Variants in MCC observed in about 807,000 individuals in gnomAD.
MCC encodes the protein MCC regulator of Wnt signaling pathway, also known as colorectal mutant cancer protein.
In MCC, 90 loss-of-function variants were observed where a neutral mutation model predicts 116.2. The observed-to-expected ratio is 0.77, with a 90% confidence interval of 0.65 to 0.92. The LOEUF (loss-of-function observed/expected upper bound fraction) is 0.92. Among genes scored for constraint, MCC ranks in the 40% least tolerant of loss-of-function variants. The probability of loss-of-function intolerance (pLI) is 0.00; values close to 1 mark genes in which losing one functional copy is unlikely to be tolerated. For synonymous variants in MCC, 578 were observed against 510.5 expected, an observed-to-expected ratio of 1.13 and a Z score of -1.78; for missense variants, 1,516 against 1,312.2, an observed-to-expected ratio of 1.16 and a Z score of -2.40.
At chr5:113,084,259 C>A in intron 9 of MCC, 69 bp from the exon 10 acceptor site, 1 of 1,204,806 alleles carries the variant, frequency 8.3e-7, no homozygotes, top group Non-Finnish European at 1.2e-6. Context: ...TGGGACTACG[C>A]TTATACAGGG....
chr5:113,256,593 C>G (rs1765014847), intron 3 of MCC, among the ~76,000 whole-genome samples: 1 of 152,110 alleles, frequency 6.6e-6, no homozygotes, highest in African/African-American at 2.4e-5. Flanking sequence ...ACTTGCCTAC[C>G]TATATATTAG....
chr5:113,093,299 G>A (rs1298138185), intron 8 of MCC, among the ~76,000 whole-genome samples: 1 of 152,116 alleles, frequency 6.6e-6, no homozygotes, highest in African/African-American at 2.4e-5. Flanking sequence ...GCCAGGCATG[G>A]TGGTGCGCAC....
chr5:113,183,558 G>A (rs1410365372), intron 3 of MCC, among the ~76,000 whole-genome samples: 1 of 152,082 alleles, frequency 6.6e-6, no homozygotes, highest in Non-Finnish European at 1.5e-5. Flanking sequence ...AATAAGCCTG[G>A]AAGGGGACAT....
chr5:113,417,114 C>T (rs560738354), intron 1 of MCC, among the ~76,000 whole-genome samples: 28 of 151,970 alleles, frequency 1.8e-4, no homozygotes, highest in African/African-American at 5.1e-4. Context: ...GGACTACAGA[C>T]GCATGCCACC....
At position 113,232,942 on chromosome 5, in the gene MCC, C is replaced by G. The variant is rs114772138; in HGVS notation, c.628-81520G>C. Among the ~76,000 whole-genome samples, 990 of 152,186 alleles carry G rather than the reference C, an allele frequency of 6.5e-3. 14 individuals are homozygous for G. The highest frequency in any genetic ancestry group is 0.022 in the African/African-American group (917 of 41,532). ...TAAAGTATCTACCCAGGAGCAGAAC[C>G]AGGATTGGAGAAGTCTGAAGCGTAT... On this transcript the variant is annotated intron_variant, in intron 3 of 18. Transcript: ENST00000408903.
At chr5:113,232,531 G>A (rs189930612) in intron 3 of MCC, among the ~76,000 whole-genome samples, 6 of 152,050 alleles carry the variant, frequency 3.9e-5, no homozygotes, top group African/African-American at 1.4e-4. Flanking sequence ...AAAAAGCTGA[G>A]ATCAGAGACT....
chr5:113,048,120 T>A, intron 16 of MCC, among the ~76,000 whole-genome samples: 1 of 152,194 alleles, frequency 6.6e-6, no homozygotes, highest in East Asian at 1.9e-4. Context: ...TGAGCCTCAT[T>A]TTTCTCATGT....
intron 5 of MCC, among the ~76,000 whole-genome samples, chr5:113,123,162 G>A (rs58169183): frequency 0.091 from 13,924 of 152,266 alleles, 907 homozygotes; most frequent in African/African-American, 0.18. Context: ...AAGGCTACTA[G>A]CACTGAGGCT....
At chr5:113,260,421 T>C (rs1401422021) in intron 3 of MCC, among the ~76,000 whole-genome samples, 1 of 152,172 alleles carries the variant, frequency 6.6e-6, no homozygotes, top group African/African-American at 2.4e-5. Flanking sequence ...ATGCAATTTG[T>C]TGCAATACGG....
At chr5:113,109,987 CT>C (rs571794700) in intron 6 of MCC, among the ~76,000 whole-genome samples, 13 of 150,234 alleles carry the variant, frequency 8.7e-5, no homozygotes, top group South Asian at 2.1e-4. Flanking sequence ...TTTTAAAAAT[CT>C]TTTTTTTTTC....
chr5:113,406,974 A>G lies in MCC; in HGVS notation c.171-21762T>C, dbSNP rs539030531. On this transcript the variant is annotated intron_variant, in intron 1 of 18. Coordinates refer to ENST00000408903, the MANE Select transcript of MCC (RefSeq NM_001085377.2). Reference sequence around the variant, plus strand: ...TTGTAGCAGAATAGATAAGTAAATAACTATTTATATACTTAGTGAGAACAG... The same window carrying G: ...TTGTAGCAGAATAGATAAGTAAATAGCTATTTATATACTTAGTGAGAACAG... Among the ~76,000 whole-genome samples the G allele has an allele frequency of 3.3e-5, 5 of 152,298 alleles. No individual in the cohort carries two copies. In the East Asian group the frequency reaches 9.6e-4, roughly 29 times the overall value.
At chr5:113,452,946 C>T (rs1771442734) in intron 1 of MCC, among the ~76,000 whole-genome samples, 1 of 152,086 alleles carries the variant, frequency 6.6e-6, no homozygotes, top group African/African-American at 2.4e-5. Context: ...AATAATCAGC[C>T]TTAATAATTA....
chr5:113,051,006 T>G (rs1438817696), intron 15 of MCC, among the ~76,000 whole-genome samples: 3 of 152,206 alleles, frequency 2.0e-5, no homozygotes, highest in African/African-American at 7.2e-5. Flanking sequence ...TCTCAGGCTC[T>G]GTGTGGGAAA....
At chr5:113,461,513 T>A (rs1462690692) in intron 1 of MCC, among the ~76,000 whole-genome samples, 4 of 151,560 alleles carry the variant, frequency 2.6e-5, no homozygotes, top group Non-Finnish European at 4.4e-5. Context: ...ATACAAGAAA[T>A]AATTAGAAGG....
At chr5:113,324,732 T>C (rs1005003750) in intron 3 of MCC, among the ~76,000 whole-genome samples, 1 of 152,200 alleles carries the variant, frequency 6.6e-6, no homozygotes, top group Non-Finnish European at 1.5e-5. Context: ...TGAGCTGACA[T>C]TTTCTACAAA....
At chr5:113,226,882 G>C (rs551578001) in intron 3 of MCC, among the ~76,000 whole-genome samples, 1 of 152,270 alleles carries the variant, frequency 6.6e-6, no homozygotes, top group South Asian at 2.1e-4. Context: ...CTATTAACCA[G>C]TTGAATGATT....
intron 3 of MCC, among the ~76,000 whole-genome samples, 185 bp downstream of exon 3, chr5:113,340,334 G>C (rs1286211934): frequency 6.6e-6 from 1 of 152,206 alleles, no homozygotes; most frequent in Non-Finnish European, 1.5e-5. Flanking sequence ...CTCCATGAGA[G>C]TGAAGTCCCT....
At chr5:113,404,984 C>T (rs1769790765) in intron 1 of MCC, among the ~76,000 whole-genome samples, 1 of 152,196 alleles carries the variant, frequency 6.6e-6, no homozygotes, top group African/African-American at 2.4e-5. Context: ...GTCTGGAGGA[C>T]AGAGATGGGA....
chr5:113,380,045 TAGG>T (rs1769077563), intron 2 of MCC, among the ~76,000 whole-genome samples: 1 of 152,220 alleles, frequency 6.6e-6, no homozygotes, highest in Non-Finnish European at 1.5e-5. Context: ...AGAAAACACT[TAGG>T]AGGAATGAAT....
Sources: allele counts gnomAD v4.1 joint callset (sites outside exome capture counted in the v4.1 genomes callset), GRCh38; gene constraint gnomAD v4.1.1; transcripts MANE v1.5; gene names NCBI Gene and HGNC (gene_info 2026-07-23, HGNC 2026-07-21).